The following CEP63 variants were observed in gnomAD, a reference collection of about 807,000 sequenced individuals.
The protein encoded by CEP63 is centrosomal protein of 63 kDa.
In CEP63, 84 loss-of-function variants were observed where a neutral mutation model predicts 89.1. The observed-to-expected ratio is 0.94, with a 90% CI of 0.79 to 1.13. The LOEUF (loss-of-function observed/expected upper bound fraction) is 1.13, where lower values mean the gene tolerates loss of function less well. CEP63 is among the 50% of genes most tolerant of loss of function. CEP63 has a pLI of 0.00. For synonymous variants in CEP63, 267 were observed against 272.5 expected (o/e 0.98, Z 0.20); for missense variants, 838 against 813.3 (o/e 1.03, Z -0.37).
the CEP63 span, among the ~76,000 whole-genome samples, chr3:134,601,941 CG>C: frequency 9.9e-5 from 15 of 152,260 alleles, no homozygotes; most frequent in East Asian, 2.3e-3. Flanking sequence ...TGGCAGGGGC[CG>C]GGCCCCCTTG....
chr3:134,647,416 A>G, the CEP63 span: 2 of 1,582,712 alleles, frequency 1.3e-6, no homozygotes, highest in Non-Finnish European at 1.7e-6. Context: ...TATAGGTTGA[A>G]AGGAAAAAGA....
the CEP63 span, among the ~76,000 whole-genome samples, chr3:134,779,352 T>A: frequency 6.6e-6 from 1 of 152,222 alleles, no homozygotes; most frequent in Non-Finnish European, 1.5e-5. Flanking sequence ...CACCATGATT[T>A]ATTTTTCTAT....
the CEP63 span, among the ~76,000 whole-genome samples, chr3:134,708,549 T>A: frequency 2.6e-5 from 4 of 152,250 alleles, no homozygotes; most frequent in Non-Finnish European, 5.9e-5. Flanking sequence ...TTTTATTCCA[T>A]CACAGCACAA....
At chr3:134,701,277 C>CATATACGTATATAGGTGT in the CEP63 span, among the ~76,000 whole-genome samples, 1 of 38,686 alleles carries the variant, frequency 2.6e-5, no homozygotes, top group Non-Finnish European at 5.0e-5. Context: ...CATATACACA[C>CATATACGTATATAGGTGT]ATATATACGT....
intron 3 of CEP63, among the ~76,000 whole-genome samples, chr3:134,511,818 C>G (rs1172080409): frequency 1.3e-5 from 2 of 152,172 alleles, no homozygotes; most frequent in African/African-American, 4.8e-5. Flanking sequence ...GAGCCAGTCA[C>G]CTCCCACCAG....
chr3:134,616,037 G>A, the CEP63 span, among the ~76,000 whole-genome samples: 7 of 152,176 alleles, frequency 4.6e-5, no homozygotes, highest in South Asian at 2.1e-4. Flanking sequence ...CCATGCTAAC[G>A]GGAAGAGAAT....
At chr3:134,532,175 T>C (rs537985350) in intron 4 of CEP63, among the ~76,000 whole-genome samples, 1 of 152,334 alleles carries the variant, frequency 6.6e-6, no homozygotes, top group East Asian at 1.9e-4. Flanking sequence ...GTTGAGTACC[T>C]GAAAGAAATA....
chr3:134,656,425 G>A, the CEP63 span, among the ~76,000 whole-genome samples: 1 of 152,324 alleles, frequency 6.6e-6, no homozygotes, highest in South Asian at 2.1e-4. Context: ...GTCTGCTGTG[G>A]GTGAAGCTTC....
the CEP63 span, among the ~76,000 whole-genome samples, chr3:134,703,765 G>T: frequency 6.6e-6 from 1 of 152,146 alleles, no homozygotes; most frequent in East Asian, 1.9e-4. Context: ...CACACATCCT[G>T]CACATGAACC....
chr3:134,608,412 G>C, the CEP63 span: 1 of 1,484,366 alleles, frequency 6.7e-7, no homozygotes, highest in South Asian at 1.2e-5. Flanking sequence ...GTTTATGCTA[G>C]TGTGAGTGAG....
chr3:134,593,407 T>G, the CEP63 span, among the ~76,000 whole-genome samples: 1 of 152,198 alleles, frequency 6.6e-6, no homozygotes, highest in African/African-American at 2.4e-5. Context: ...GTATCCCTGT[T>G]TTACTGATGA....
intron 2 of CEP63, among the ~76,000 whole-genome samples, chr3:134,500,152 G>C (rs1301999083): frequency 6.6e-6 from 1 of 152,094 alleles, no homozygotes; most frequent in Non-Finnish European, 1.5e-5. Flanking sequence ...ATGTCTGTGT[G>C]TACTCAATGT....
chr3:134,519,531 A>G (rs1249178310), intron 3 of CEP63, among the ~76,000 whole-genome samples: 2 of 152,236 alleles, frequency 1.3e-5, no homozygotes, highest in Non-Finnish European at 2.9e-5. Context: ...AGAAATAAGT[A>G]ACATGAATTT....
chr3:134,604,429 A>T, the CEP63 span: 1 of 1,613,548 alleles, frequency 6.2e-7, no homozygotes, highest in African/African-American at 1.3e-5. Context: ...GAACATGAAC[A>T]GCGTCGGGGC....
the CEP63 span, among the ~76,000 whole-genome samples, chr3:134,705,346 G>A: frequency 2.6e-5 from 4 of 152,016 alleles, no homozygotes; most frequent in African/African-American, 9.7e-5. Flanking sequence ...GGGGTCTTAC[G>A]GGAGACTCCT....
chr3:134,585,410 A>AGAG (rs1958464105), intron 10 of CEP63, among the ~76,000 whole-genome samples: 1 of 152,170 alleles, frequency 6.6e-6, no homozygotes, highest in South Asian at 2.1e-4. Flanking sequence ...TTGGTTTCAA[A>AGAG]GAACATCTTT....
chr3:134,584,213 A>G (rs1030798077), intron 10 of CEP63, among the ~76,000 whole-genome samples: 34 of 152,086 alleles, frequency 2.2e-4, no homozygotes, highest in African/African-American at 8.0e-4. Context: ...CCAACACCAT[A>G]TTGAATAGGA....
At chr3:134,657,847 C>T in the CEP63 span, among the ~76,000 whole-genome samples, 1 of 152,190 alleles carries the variant, frequency 6.6e-6, no homozygotes, top group Admixed American at 6.5e-5. Flanking sequence ...ATTGGTACAT[C>T]AACCTTTGCC....
the CEP63 span, among the ~76,000 whole-genome samples, chr3:134,705,826 A>C: frequency 6.6e-6 from 1 of 152,180 alleles, no homozygotes; most frequent in East Asian, 1.9e-4. Flanking sequence ...AGATGGGAAG[A>C]GGTATGAATT....
Sources: allele counts gnomAD v4.1 joint callset (sites outside exome capture counted in the v4.1 genomes callset), GRCh38; gene constraint gnomAD v4.1.1; transcripts MANE v1.5; gene names NCBI Gene and HGNC (gene_info 2026-07-23, HGNC 2026-07-21).